Variants in CAMK1D observed in about 807,000 individuals in gnomAD.
CAMK1D encodes the protein calcium/calmodulin dependent protein kinase ID.
CAMK1D carries 9 observed loss-of-function variants against 47.7 expected under a neutral mutation model. That is an observed-to-expected ratio of 0.19 (90% CI 0.11 to 0.33). CAMK1D has a LOEUF of 0.33. Among genes scored for constraint, CAMK1D ranks in the 10% least tolerant of loss-of-function variants. CAMK1D has a pLI of 1.00. For missense variants in CAMK1D, 291 were observed against 488.7 expected (o/e 0.60, Z 3.81); for synonymous variants, 184 against 184.9 (o/e 0.99, Z 0.04).
intron 5 of CAMK1D, among the ~76,000 whole-genome samples, chr10:12,777,456 T>G (rs1482305251): frequency 5.2e-5 from 7 of 134,894 alleles, no homozygotes; most frequent in African/African-American, 1.1e-4. Flanking sequence ...CACTGCAACC[T>G]CTGCCTCCTG....
intron 10 of CAMK1D, among the ~76,000 whole-genome samples, chr10:12,827,638 CCTCTCCCCTCTCCT>C (rs1306768439): frequency 0.011 from 120 of 10,756 alleles, 3 homozygotes; most frequent in African/African-American, 0.018. Flanking sequence ...TCCTCTCTCC[CCTCTCCCCTCTCCT>C]CTCTCCTCTC....
At chr10:12,482,902 C>T (rs1335850113) in intron 1 of CAMK1D, among the ~76,000 whole-genome samples, 2 of 152,186 alleles carry the variant, frequency 1.3e-5, no homozygotes, top group Non-Finnish European at 2.9e-5. Context: ...GCCGCTGCCG[C>T]TGTGGTTCAG....
At chr10:12,372,053 A>G (rs1838022087) in intron 1 of CAMK1D, among the ~76,000 whole-genome samples, 1 of 152,174 alleles carries the variant, frequency 6.6e-6, no homozygotes. Flanking sequence ...GTTGTGTTAC[A>G]GTTGCCTGTT....
chr10:12,732,625 G>T (rs931760976), intron 3 of CAMK1D, among the ~76,000 whole-genome samples: 1 of 151,842 alleles, frequency 6.6e-6, no homozygotes, highest in African/African-American at 2.4e-5. Context: ...TCACCATCAG[G>T]AGAATAGCAC....
intron 6 of CAMK1D, among the ~76,000 whole-genome samples, chr10:12,800,786 A>G (rs1838392311): frequency 6.6e-6 from 1 of 152,234 alleles, no homozygotes; most frequent in Non-Finnish European, 1.5e-5. Flanking sequence ...ATACTGGCAC[A>G]CAAAGATCAA....
intron 1 of CAMK1D, among the ~76,000 whole-genome samples, chr10:12,539,658 T>C (rs117884441): frequency 0.015 from 2,300 of 152,284 alleles, 29 homozygotes; most frequent in Middle Eastern, 0.041. Flanking sequence ...GAGCCACCCC[T>C]GCAGGGAGAA....
intron 1 of CAMK1D, among the ~76,000 whole-genome samples, chr10:12,421,069 T>C (rs1840032950): frequency 1.3e-5 from 2 of 152,274 alleles, no homozygotes; most frequent in South Asian, 4.1e-4. Flanking sequence ...TTCTACACTT[T>C]AGGAGACGGG....
intron 1 of CAMK1D, among the ~76,000 whole-genome samples, chr10:12,368,108 C>T (rs1335362028): frequency 1.3e-5 from 2 of 151,478 alleles, no homozygotes; most frequent in Non-Finnish European, 1.5e-5. Context: ...AGGAGAATGG[C>T]GTGAGCCCGG....
rs2997069 is a variant in CAMK1D at position 12,365,873 on chromosome 10, T to C, written c.92+15963T>C. On this transcript the variant is annotated intron_variant, in intron 1 of 10. Coordinates refer to ENST00000619168, the MANE Select transcript of CAMK1D (RefSeq NM_153498.4). ...TTCGAGACCAGTCTGGCCAACATGGTGAAACCCTGCCTCTACTAAAAAATA... is the reference window on the plus strand; with the variant it reads ...TTCGAGACCAGTCTGGCCAACATGGCGAAACCCTGCCTCTACTAAAAAATA... Among the ~76,000 whole-genome samples, 1,004 of 151,946 alleles carry C rather than the reference T, an allele frequency of 6.6e-3. 6 individuals carry two copies. The highest frequency in any genetic ancestry group is 0.023 in the African/African-American group (941 of 41,456).
chr10:12,789,142 C>T (rs1041772578), intron 5 of CAMK1D, among the ~76,000 whole-genome samples: 3 of 152,186 alleles, frequency 2.0e-5, no homozygotes, highest in Non-Finnish European at 4.4e-5. Flanking sequence ...TGTGTCCAAC[C>T]CCCGGAGGAC....
At chr10:12,714,543 A>T (rs1052154290) in intron 3 of CAMK1D, among the ~76,000 whole-genome samples, 1 of 151,994 alleles carries the variant, frequency 6.6e-6, no homozygotes, top group Non-Finnish European at 1.5e-5. Flanking sequence ...ACATGATGAA[A>T]CCCTGTCTCA....
At chr10:12,639,008 T>C (rs1243884857) in intron 2 of CAMK1D, among the ~76,000 whole-genome samples, 1 of 152,232 alleles carries the variant, frequency 6.6e-6, no homozygotes, top group Non-Finnish European at 1.5e-5. Flanking sequence ...GGGAACCTCA[T>C]TCCTCTGGTT....
At chr10:12,411,523 T>C (rs1039899331) in intron 1 of CAMK1D, among the ~76,000 whole-genome samples, 1 of 150,680 alleles carries the variant, frequency 6.6e-6, no homozygotes, top group Non-Finnish European at 1.5e-5. Context: ...CCTGTGCCGA[T>C]GGAAAAAAAA....
At chr10:12,746,604 T>A (rs999978594) in intron 3 of CAMK1D, among the ~76,000 whole-genome samples, 1 of 152,226 alleles carries the variant, frequency 6.6e-6, no homozygotes, top group Admixed American at 6.5e-5. Context: ...CCGTCTCTCC[T>A]GTTCTACTTC....
At chr10:12,473,687 G>T (rs564709746) in intron 1 of CAMK1D, among the ~76,000 whole-genome samples, 34 of 152,310 alleles carry the variant, frequency 2.2e-4, no homozygotes, top group African/African-American at 7.0e-4. Context: ...CTAGATGGCG[G>T]AGTCGGCTCT....
At chr10:12,364,237 C>CTTTTT (rs35224750) in intron 1 of CAMK1D, among the ~76,000 whole-genome samples, 3 of 65,322 alleles carry the variant, frequency 4.6e-5, no homozygotes, top group Admixed American at 2.1e-4. Context: ...TGCGCATTCT[C>CTTTTT]TTTTTTTTTT....
intron 1 of CAMK1D, among the ~76,000 whole-genome samples, chr10:12,414,504 T>G (rs1839778087): frequency 6.6e-6 from 1 of 152,226 alleles, no homozygotes; most frequent in Non-Finnish European, 1.5e-5. Context: ...TCTGAATTTC[T>G]CATAGTCAGT....
intron 1 of CAMK1D, among the ~76,000 whole-genome samples, chr10:12,455,373 C>T (rs928129970): frequency 6.6e-6 from 1 of 152,066 alleles, no homozygotes; most frequent in African/African-American, 2.4e-5. Context: ...GGGGTTTTGC[C>T]ATGTGGCCCA....
At chr10:12,728,892 G>A (rs1385490309) in intron 3 of CAMK1D, among the ~76,000 whole-genome samples, 1 of 152,196 alleles carries the variant, frequency 6.6e-6, no homozygotes, top group Non-Finnish European at 1.5e-5. Flanking sequence ...CTACAGAAAA[G>A]TCTAAAAGAC....
Sources: gnomAD v4.1 joint callset for allele counts (sites outside exome capture counted in the v4.1 genomes callset) on GRCh38, gnomAD v4.1.1 for gene constraint, MANE v1.5 for transcripts, NCBI Gene and HGNC (gene_info 2026-07-23, HGNC 2026-07-21) for gene names.